The following LRMDA variants were observed in gnomAD, a reference collection of about 807,000 sequenced individuals.
LRMDA encodes the protein leucine rich melanocyte differentiation associated, also known as leucine-rich melanocyte differentiation-associated protein.
In LRMDA, 18 loss-of-function variants were observed where a neutral mutation model predicts 29.8. The observed-to-expected ratio is 0.60, with a 90% confidence interval of 0.42 to 0.90. The LOEUF (loss-of-function observed/expected upper bound fraction) is 0.90. LRMDA is among the 40% of genes least tolerant of loss of function. The pLI is 0.00. For missense variants in LRMDA, 273 were observed against 273.9 expected (o/e 1.00, Z 0.02); for synonymous variants, 125 against 109.4 (o/e 1.14, Z -0.89).
At chr10:75,969,006 A>T (rs761845960) in intron 2 of LRMDA, among the ~76,000 whole-genome samples, 1 of 152,192 alleles carries the variant, frequency 6.6e-6, no homozygotes, top group African/African-American at 2.4e-5. Flanking sequence ...AAACCCTTCA[A>T]CTTGGGTAAT....
At chr10:75,747,993 T>G (rs1842909293) in intron 2 of LRMDA, among the ~76,000 whole-genome samples, 1 of 152,252 alleles carries the variant, frequency 6.6e-6, no homozygotes, top group Non-Finnish European at 1.5e-5. Flanking sequence ...TCTGCTAGTC[T>G]AAATCCTTTC....
At chr10:75,794,650 T>C (rs980547062) in intron 2 of LRMDA, among the ~76,000 whole-genome samples, 1 of 152,214 alleles carries the variant, frequency 6.6e-6, no homozygotes, top group African/African-American at 2.4e-5. Context: ...TATGAAATGG[T>C]ATCTCACTGT....
intron 5 of LRMDA, among the ~76,000 whole-genome samples, chr10:76,226,596 G>C (rs115902884): frequency 0.031 from 4,677 of 152,098 alleles, 236 homozygotes; most frequent in African/African-American, 0.1. Context: ...AAAAAGAAAA[G>C]AAAACAAAAC....
intron 5 of LRMDA, among the ~76,000 whole-genome samples, chr10:76,255,171 A>G (rs1207683408): frequency 6.6e-6 from 1 of 152,176 alleles, no homozygotes; most frequent in Non-Finnish European, 1.5e-5. Flanking sequence ...CAAGTCTTTC[A>G]TTGCCTTTTG....
intron 2 of LRMDA, among the ~76,000 whole-genome samples, chr10:75,553,332 G>A (rs142337361): frequency 6.6e-6 from 1 of 152,312 alleles, no homozygotes; most frequent in Non-Finnish European, 1.5e-5. Context: ...GGTGAGCCTG[G>A]AGAGATGAAG....
chr10:76,176,317 G>A (rs1055184011), intron 5 of LRMDA, among the ~76,000 whole-genome samples: 3 of 152,148 alleles, frequency 2.0e-5, no homozygotes, highest in African/African-American at 7.2e-5. Context: ...GAAGTGTTGT[G>A]TACCAAGAAG....
chr10:75,620,036 T>G (rs1413051938), intron 2 of LRMDA, among the ~76,000 whole-genome samples: 1 of 152,070 alleles, frequency 6.6e-6, no homozygotes, highest in Non-Finnish European at 1.5e-5. Flanking sequence ...GGGTGCAGAG[T>G]CTGCTACCAA....
At chr10:76,283,761 C>T (rs1840236022) in intron 5 of LRMDA, among the ~76,000 whole-genome samples, 1 of 152,146 alleles carries the variant, frequency 6.6e-6, no homozygotes, top group South Asian at 2.1e-4. Context: ...TTTGGTTGAG[C>T]TGGTTCAACC....
At chr10:76,265,570 T>C (rs1379104725) in intron 5 of LRMDA, among the ~76,000 whole-genome samples, 7 of 152,194 alleles carry the variant, frequency 4.6e-5, no homozygotes, top group Non-Finnish European at 1.0e-4. Flanking sequence ...TTTGGATGTC[T>C]ATAACAAGCA....
At chr10:76,438,823 G>A (rs1333250041) in intron 6 of LRMDA, 1 of 152,198 alleles carries the variant, frequency 6.6e-6, no homozygotes, top group East Asian at 1.9e-4. Flanking sequence ...GAATCCAAAT[G>A]TATATGTTAA....
At chr10:76,461,969 G>A (rs535187044) in intron 6 of LRMDA, among the ~76,000 whole-genome samples, 20 of 151,134 alleles carry the variant, frequency 1.3e-4, no homozygotes, top group African/African-American at 3.9e-4. Context: ...CAGCTACTTG[G>A]TGTGGCTTGA....
At position 76,203,498 on chromosome 10, in the gene LRMDA, A is replaced by C. The variant is rs188074274; in HGVS notation, c.517-120903A>C. On this transcript the variant is annotated intron_variant, in intron 5 of 6. Transcript: ENST00000611255. ...CTATAATTTGGAAAAATATATATTT[A>C]ATTTTTGGTTATAAATTTAGGATTT... Among the ~76,000 whole-genome samples the C allele has an allele frequency of 2.7e-3, 414 of 152,276 alleles. 4 individuals carry two copies. The highest frequency in any genetic ancestry group is 7.2e-4 in the Non-Finnish European group (49 of 68,024).
rs567123606 is a variant in LRMDA at position 76,131,348 on chromosome 10, C to G, written c.516+72565C>G. On this transcript the variant is annotated intron_variant, in intron 5 of 6. Transcript: ENST00000611255. The stretch of plus-strand genomic sequence containing the variant: ...TCCCAGGAATCTTTCCCTAATTCCT[C>G]TCAGCCAAACAGAATCACCCCTGAG... 2.6e-4 allele frequency among the ~76,000 whole-genome samples: 40 copies of G among 152,294 alleles called. No individual in the cohort carries two copies. The South Asian group carries it at 8.1e-3, about 31-fold the overall frequency.
chr10:75,925,890 C>A (rs1027541617), intron 2 of LRMDA, among the ~76,000 whole-genome samples: 1 of 151,916 alleles, frequency 6.6e-6, no homozygotes, highest in African/African-American at 2.4e-5. Context: ...GAACTACTGA[C>A]CTCGTATAAT....
In LRMDA at chr10:76,356,153, A is replaced by G. The variant is rs568728207; in HGVS notation, c.601+31668A>G. Among the ~76,000 whole-genome samples the G allele has an allele frequency of 9.2e-5, 14 of 152,334 alleles. No homozygotes were observed. In the South Asian group the frequency reaches 2.1e-3, roughly 23 times the overall value. ...AGGACAGGTATAACTGGACAATTGC[A>G]AAGTGTTTTAGAAAGAAAACAATGT... On this transcript the variant is annotated intron_variant, in intron 6 of 6. Transcript: ENST00000611255.
chr10:75,974,906 A>C (rs9415143), intron 2 of LRMDA, among the ~76,000 whole-genome samples: 1 of 152,230 alleles, frequency 6.6e-6, no homozygotes, highest in South Asian at 2.1e-4. Context: ...AGCTGCTGAT[A>C]ATAATGATGC....
At chr10:75,904,779 T>A (rs1169273706) in intron 2 of LRMDA, among the ~76,000 whole-genome samples, 1 of 152,186 alleles carries the variant, frequency 6.6e-6, no homozygotes, top group East Asian at 1.9e-4. Context: ...GAGAAAGCTA[T>A]AGATTGATGA....
intron 5 of LRMDA, among the ~76,000 whole-genome samples, chr10:76,315,216 C>G (rs1487588763): frequency 1.3e-5 from 2 of 152,250 alleles, no homozygotes; most frequent in Admixed American, 1.3e-4. Flanking sequence ...GGCGGCCTGT[C>G]TGGAGCAGCC....
At chr10:76,339,168 G>A (rs1363004381) in intron 6 of LRMDA, among the ~76,000 whole-genome samples, 3 of 151,304 alleles carry the variant, frequency 2.0e-5, no homozygotes, top group Non-Finnish European at 4.4e-5. Context: ...CCACAAACTG[G>A]CTCATAAAGA....
Sources: gnomAD v4.1 joint callset for allele counts (sites outside exome capture counted in the v4.1 genomes callset) on GRCh38, gnomAD v4.1.1 for gene constraint, MANE v1.5 for transcripts, NCBI Gene and HGNC (gene_info 2026-07-23, HGNC 2026-07-21) for gene names.